The following CHLSN variants were observed in gnomAD, a reference collection of about 807,000 sequenced individuals.
CHLSN encodes the protein protein cholesin.
At chr7:986,650 G>A in the CHLSN span, 1 of 1,612,720 alleles carries the variant, frequency 6.2e-7, no homozygotes, top group Admixed American at 1.7e-5. Context: ...CATGGCTCGG[G>A]GCCCTGCTCC....
At chr7:1,031,270 G>A in the CHLSN span, among the ~76,000 whole-genome samples, 25 of 152,348 alleles carry the variant, frequency 1.6e-4, no homozygotes, top group Admixed American at 3.9e-4. Flanking sequence ...GAGGAGAAAA[G>A]TTAAGGGTAG....
At chr7:1,108,800 A>G in the CHLSN span, among the ~76,000 whole-genome samples, 25 of 148,010 alleles carry the variant, frequency 1.7e-4, 1 homozygote, top group Admixed American at 1.2e-3. Flanking sequence ...TCCAGTGTGC[A>G]CCCCCCTCAC....
At chr7:1,010,332 A>G in the CHLSN span, among the ~76,000 whole-genome samples, 6 of 152,218 alleles carry the variant, frequency 3.9e-5, no homozygotes, top group Non-Finnish European at 8.8e-5. Flanking sequence ...GACAGGTCAC[A>G]TGAGGATGGC....
At chr7:1,136,153 T>C in the CHLSN span, among the ~76,000 whole-genome samples, 1 of 95,030 alleles carries the variant, frequency 1.1e-5, no homozygotes, top group East Asian at 3.0e-4. Context: ...TATATAAATA[T>C]ATATACATAA....
chr7:996,532 C>T, the CHLSN span, among the ~76,000 whole-genome samples: 3 of 152,222 alleles, frequency 2.0e-5, no homozygotes, highest in Non-Finnish European at 4.4e-5. Flanking sequence ...TGGGTGTCTG[C>T]TCTGTGGAGG....
the CHLSN span, chr7:1,009,853 C>T: frequency 9.1e-6 from 10 of 1,100,000 alleles, no homozygotes; most frequent in South Asian, 1.6e-4. Context: ...TGCTCTAGAA[C>T]CTTCCACACA....
chr7:1,075,060 C>T, the CHLSN span, among the ~76,000 whole-genome samples: 1 of 152,222 alleles, frequency 6.6e-6, no homozygotes, highest in Admixed American at 6.5e-5. Flanking sequence ...ACCGAAAGGT[C>T]TGTGCAGGGG....
At chr7:989,839 C>T in the CHLSN span, among the ~76,000 whole-genome samples, 1 of 147,644 alleles carries the variant, frequency 6.8e-6, no homozygotes. Context: ...GCGGTGTGGT[C>T]GGCAGTGTGA....
the CHLSN span, among the ~76,000 whole-genome samples, chr7:1,070,526 CAT>C: frequency 1.3e-5 from 2 of 150,820 alleles, no homozygotes; most frequent in Non-Finnish European, 3.0e-5. Flanking sequence ...CATGCATACA[CAT>C]ACACCACGTG....
At chr7:995,432 C>T in the CHLSN span, among the ~76,000 whole-genome samples, 10 of 152,320 alleles carry the variant, frequency 6.6e-5, no homozygotes, top group South Asian at 4.1e-4. Context: ...CACTAATGGT[C>T]GGTGAGGACT....
At chr7:986,143 C>T in the CHLSN span, among the ~76,000 whole-genome samples, 85 of 152,318 alleles carry the variant, frequency 5.6e-4, no homozygotes, top group Middle Eastern at 0.01. Context: ...GAACTCACTA[C>T]TGGCGATCGC....
At chr7:1,003,954 T>G in the CHLSN span, among the ~76,000 whole-genome samples, 2 of 92,522 alleles carry the variant, frequency 2.2e-5, no homozygotes, top group Non-Finnish European at 4.4e-5. Context: ...GTCCTGTGGG[T>G]GAGTGGAGTC....
chr7:1,085,421 C>T, the CHLSN span, among the ~76,000 whole-genome samples: 1 of 152,188 alleles, frequency 6.6e-6, no homozygotes, highest in South Asian at 2.1e-4. Flanking sequence ...TCCTGGCCAG[C>T]TGTGAGGCCG....
chr7:1,060,117 T>G, the CHLSN span, among the ~76,000 whole-genome samples: 1 of 152,018 alleles, frequency 6.6e-6, no homozygotes, highest in African/African-American at 2.4e-5. Flanking sequence ...TTCCACCCAT[T>G]GGGATTTTGT....
At chr7:1,066,152 T>C in the CHLSN span, among the ~76,000 whole-genome samples, 2 of 152,198 alleles carry the variant, frequency 1.3e-5, no homozygotes, top group Non-Finnish European at 1.5e-5. Flanking sequence ...GCCGGTTCTG[T>C]TCCTGGACAA....
the CHLSN span, among the ~76,000 whole-genome samples, chr7:1,103,121 G>A: frequency 0.011 from 1,622 of 152,320 alleles, 30 homozygotes; most frequent in African/African-American, 0.037. Flanking sequence ...AGCCCCGTCC[G>A]GGAGGCGCGG....
At chr7:1,070,941 GCACA>G in the CHLSN span, among the ~76,000 whole-genome samples, 30 of 136,098 alleles carry the variant, frequency 2.2e-4, no homozygotes, top group South Asian at 7.3e-4. Flanking sequence ...ACGCACACAT[GCACA>G]CACACACAGC....
the CHLSN span, among the ~76,000 whole-genome samples, chr7:1,101,465 C>G: frequency 6.6e-6 from 1 of 152,236 alleles, no homozygotes; most frequent in Admixed American, 6.5e-5. Flanking sequence ...CATCTGCCAA[C>G]TGAGCCTCTG....
chr7:1,001,361 G>A, the CHLSN span, among the ~76,000 whole-genome samples: 3 of 151,784 alleles, frequency 2.0e-5, no homozygotes, highest in African/African-American at 4.8e-5. Flanking sequence ...AGCCCTGTGG[G>A]TGGGGAGTCC....
Sources: allele counts gnomAD v4.1 joint callset (sites outside exome capture counted in the v4.1 genomes callset), GRCh38; gene constraint gnomAD v4.1.1; transcripts MANE v1.5; gene names NCBI Gene and HGNC (gene_info 2026-07-23, HGNC 2026-07-21).